CERT1: variants seen among roughly 807,000 people sequenced by gnomAD.
The protein encoded by CERT1 is ceramide transfer protein.
Under a neutral mutation model 87.9 loss-of-function variants are expected in CERT1, and 31 were observed. That is an observed-to-expected ratio of 0.35 (90% CI 0.27 to 0.48). The LOEUF (loss-of-function observed/expected upper bound fraction) is 0.48. CERT1 is among the 20% of genes least tolerant of loss of function. The pLI is 0.99. For missense variants in CERT1, 487 were observed against 758.0 expected (o/e 0.64, Z 4.20); for synonymous variants, 289 against 250.9 (o/e 1.15, Z -1.44).
chr5:75,496,618 T>C (rs548084639), intron 2 of CERT1, among the ~76,000 whole-genome samples: 4 of 152,320 alleles, frequency 2.6e-5, no homozygotes, highest in South Asian at 2.1e-4. Flanking sequence ...TATATCCCTA[T>C]AGTGAAACAG....
At chr5:75,428,642 C>T (rs1369265722) in intron 3 of CERT1, among the ~76,000 whole-genome samples, 2 of 147,154 alleles carry the variant, frequency 1.4e-5, no homozygotes, top group Non-Finnish European at 3.0e-5. Context: ...TGCGCCACTG[C>T]AGTCTGACAT....
At chr5:75,409,816 C>T (rs1455578847) in intron 8 of CERT1, among the ~76,000 whole-genome samples, 3 of 151,066 alleles carry the variant, frequency 2.0e-5, no homozygotes, top group Non-Finnish European at 4.4e-5. Context: ...TGTGAACCAC[C>T]GTGCTGGCCA....
intron 12 of CERT1, among the ~76,000 whole-genome samples, chr5:75,388,562 A>G (rs1043694344): frequency 1.9e-4 from 25 of 134,870 alleles, no homozygotes; most frequent in Non-Finnish European, 3.2e-5. Context: ...CTCTTCACTC[A>G]GTACATTATC....
intron 8 of CERT1, among the ~76,000 whole-genome samples, chr5:75,408,983 A>G (rs1762822634): frequency 6.6e-6 from 1 of 152,110 alleles, no homozygotes; most frequent in Non-Finnish European, 1.5e-5. Context: ...ATGTACACAA[A>G]TTATACTTAC....
intron 3 of CERT1, among the ~76,000 whole-genome samples, chr5:75,454,381 T>C (rs1764884443): frequency 1.3e-5 from 2 of 152,266 alleles, no homozygotes; most frequent in African/African-American, 4.8e-5. Flanking sequence ...TGTGCATTTC[T>C]TGCTTTGTTT....
intron 9 of CERT1, chr5:75,401,081 T>C (rs1762454381): frequency 6.6e-6 from 1 of 152,188 alleles, no homozygotes; most frequent in Non-Finnish European, 1.5e-5. Context: ...TGGAACTGAT[T>C]TTATGGATTA....
intron 3 of CERT1, among the ~76,000 whole-genome samples, chr5:75,447,072 T>C (rs531791530): frequency 4.3e-4 from 65 of 152,306 alleles, no homozygotes; most frequent in African/African-American, 1.4e-3. Flanking sequence ...AGTGTATGGA[T>C]TGCTCTAGGA....
chr5:75,415,439 C>T (rs1035351562), intron 7 of CERT1, among the ~76,000 whole-genome samples: 6 of 152,114 alleles, frequency 3.9e-5, no homozygotes, highest in Non-Finnish European at 1.5e-5. Flanking sequence ...CTGCTCATTG[C>T]TACCCAATAA....
intron 11 of CERT1, among the ~76,000 whole-genome samples, chr5:75,395,986 CAG>C (rs1435905422): frequency 1.3e-5 from 2 of 152,192 alleles, no homozygotes; most frequent in Non-Finnish European, 2.9e-5. Flanking sequence ...ATCTGCCCAT[CAG>C]ACAGATTCAT....
intron 8 of CERT1, among the ~76,000 whole-genome samples, chr5:75,405,546 C>T (rs1038580081): frequency 7.9e-5 from 12 of 152,162 alleles, no homozygotes; most frequent in African/African-American, 2.7e-4. Flanking sequence ...TCTATCTCCA[C>T]ACGTATCTGC....
intron 2 of CERT1, among the ~76,000 whole-genome samples, chr5:75,464,904 TTC>T (rs1330170771): frequency 6.6e-6 from 1 of 152,078 alleles, no homozygotes; most frequent in Non-Finnish European, 1.5e-5. Context: ...GAATTTTAGG[TTC>T]TCTTTCTCTG....
chr5:75,449,248 T>C (rs987049046), intron 3 of CERT1, among the ~76,000 whole-genome samples: 3 of 151,880 alleles, frequency 2.0e-5, no homozygotes, highest in African/African-American at 7.3e-5. Flanking sequence ...AAACTAAGAA[T>C]AGGATAGGAG....
chr5:75,470,235 G>C (rs1217521693), intron 2 of CERT1, among the ~76,000 whole-genome samples: 3 of 152,126 alleles, frequency 2.0e-5, no homozygotes, highest in Non-Finnish European at 4.4e-5. Flanking sequence ...CATTTCAGTT[G>C]CAGAATATAT....
intron 3 of CERT1, among the ~76,000 whole-genome samples, chr5:75,452,624 TTTA>T (rs1167169928): frequency 2.0e-5 from 3 of 152,146 alleles, no homozygotes; most frequent in Non-Finnish European, 4.4e-5. Flanking sequence ...TCAAAAGTGG[TTTA>T]TTATATATCT....
intron 11 of CERT1, among the ~76,000 whole-genome samples, chr5:75,397,776 T>C (rs1762315648): frequency 6.6e-6 from 1 of 152,158 alleles, no homozygotes; most frequent in Non-Finnish European, 1.5e-5. Flanking sequence ...ATCCCAGCAC[T>C]TTGGGAGGCC....
At chr5:75,446,247 C>G (rs937588662) in intron 3 of CERT1, among the ~76,000 whole-genome samples, 1 of 152,132 alleles carries the variant, frequency 6.6e-6, no homozygotes, top group Non-Finnish European at 1.5e-5. Context: ...TATTTAAGTT[C>G]ACTGATTGTT....
intron 3 of CERT1, among the ~76,000 whole-genome samples, chr5:75,446,533 T>C (rs572613829): frequency 1.1e-3 from 173 of 152,312 alleles, no homozygotes; most frequent in African/African-American, 3.8e-3. Flanking sequence ...ATTTTTCCCT[T>C]GAAAAAGCCA....
At chr5:75,472,860 C>T (rs188681490) in intron 2 of CERT1, among the ~76,000 whole-genome samples, 6 of 151,766 alleles carry the variant, frequency 4.0e-5, no homozygotes, top group Non-Finnish European at 7.4e-5. Flanking sequence ...GGAGGTTCCT[C>T]GAAAAATTAA....
At position 75,511,261 on chromosome 5, in the gene CERT1, A is replaced by T; in HGVS notation, c.-54T>A. ...GCCCCCGCTCCCTCAGCTGCGCCGGAGGAGGCGCCCAGTCCTCGGGGTGAA... is the reference window on the plus strand; with the variant it reads ...GCCCCCGCTCCCTCAGCTGCGCCGGTGGAGGCGCCCAGTCCTCGGGGTGAA... On this transcript the variant is annotated 5_prime_UTR_variant, in exon 1 of 17. Transcript: ENST00000643780. 1 of 1,599,034 alleles carries T rather than the reference A, an allele frequency of 6.3e-7. No individual in the cohort carries two copies. Among genetic ancestry groups the T allele is most frequent in the Non-Finnish European group, 8.5e-7 (1 of 1,172,824 alleles).
Sources: gnomAD v4.1 joint callset for allele counts (sites outside exome capture counted in the v4.1 genomes callset) on GRCh38, gnomAD v4.1.1 for gene constraint, MANE v1.5 for transcripts, NCBI Gene and HGNC (gene_info 2026-07-23, HGNC 2026-07-21) for gene names.